PLOD2: variants seen among roughly 807,000 people sequenced by gnomAD.
The protein encoded by PLOD2 is lysine hydroxylase 2.
PLOD2 carries 65 observed loss-of-function variants against 101.0 expected under a neutral mutation model. The ratio of observed to expected loss-of-function variants is 0.64; its 90% confidence interval spans 0.53 to 0.79. The LOEUF (loss-of-function observed/expected upper bound fraction) is 0.79. Among genes scored for constraint, PLOD2 ranks in the 30% least tolerant of loss-of-function variants. PLOD2 has a pLI of 0.00. For synonymous variants in PLOD2, 314 were observed against 302.9 expected, an observed-to-expected ratio of 1.04 and a Z score of -0.38; for missense variants, 909 against 914.6, an observed-to-expected ratio of 0.99 and a Z score of 0.08.
At chr3:146,142,066 A>ATC (rs2031551098) in intron 1 of PLOD2, among the ~76,000 whole-genome samples, 3 of 152,104 alleles carry the variant, frequency 2.0e-5, no homozygotes, top group Admixed American at 6.6e-5. Context: ...CTAACCATAC[A>ATC]TCTACTGTAT....
intron 8 of PLOD2, 183 bp from the exon 9 acceptor site, chr3:146,088,894 A>T: frequency 1.7e-6 from 1 of 574,374 alleles, no homozygotes; most frequent in Non-Finnish European, 3.1e-6. Context: ...TGGCCCCCCC[A>T]ATCAAAGTGA....
chr3:146,121,384 T>C (rs2030143953), intron 2 of PLOD2, 136 bp from the exon 3 acceptor site: 2 of 754,630 alleles, frequency 2.7e-6, no homozygotes, highest in African/African-American at 1.8e-5. Context: ...ATCATGATTC[T>C]AGAAAAAAAA....
intron 7 of PLOD2, 28 bp from the exon 8 acceptor site, chr3:146,091,929 T>C (rs1936985746): frequency 2.6e-6 from 3 of 1,165,580 alleles, no homozygotes; most frequent in East Asian, 4.7e-5. Context: ...AGGTTATTAA[T>C]GAAAGCAGGC....
chr3:146,121,079 T>C (rs375319604), intron 3 of PLOD2, 33 bp downstream of exon 3: 9 of 1,474,996 alleles, frequency 6.1e-6, no homozygotes, highest in Non-Finnish European at 1.9e-6. Context: ...TAATTGAATA[T>C]AGATTTTAAA....
At chr3:146,152,313 A>G (rs1490028026) in intron 1 of PLOD2, among the ~76,000 whole-genome samples, 1 of 152,012 alleles carries the variant, frequency 6.6e-6, no homozygotes, top group Admixed American at 6.6e-5. Context: ...CCAGCTACTC[A>G]GGAGGCTGAG....
At chr3:146,101,900 A>G (rs1161265010) in intron 7 of PLOD2, among the ~76,000 whole-genome samples, 1 of 152,224 alleles carries the variant, frequency 6.6e-6, no homozygotes, top group Non-Finnish European at 1.5e-5. Flanking sequence ...CAAAGGGGAA[A>G]GATTAACTAG....
intron 8 of PLOD2, among the ~76,000 whole-genome samples, chr3:146,090,506 C>T (rs922104612): frequency 2.0e-5 from 3 of 151,552 alleles, no homozygotes; most frequent in Admixed American, 6.6e-5. Context: ...AGTATTAACT[C>T]GCCCTCCAGA....
At chr3:146,135,968 T>A (rs2031205962) in intron 1 of PLOD2, among the ~76,000 whole-genome samples, 1 of 152,168 alleles carries the variant, frequency 6.6e-6, no homozygotes, top group African/African-American at 2.4e-5. Flanking sequence ...TAAGATTGTA[T>A]CTCTACAATA....
At chr3:146,095,950 G>C (rs370720214) in intron 7 of PLOD2, among the ~76,000 whole-genome samples, 1 of 123,394 alleles carries the variant, frequency 8.1e-6, no homozygotes, top group African/African-American at 3.0e-5. Context: ...AAAGCTGGAC[G>C]GTACTGCTGC....
In PLOD2 at chr3:146,104,161, C is replaced by A. The variant is rs566432991; in HGVS notation, c.679+118G>T. The A allele has an allele frequency of 7.2e-5, 53 of 733,826 alleles. No individual in the cohort carries two copies. In the African/African-American group the frequency reaches 8.5e-4, roughly 12 times the overall value. The allele number at this position is 733,826 out of a possible 1,614,324, so 45.5% of individuals were successfully genotyped here. A position where few individuals can be genotyped will look rare whatever the true frequency, so the allele number is the denominator to read the frequency against. On this transcript the variant is annotated intron_variant, in intron 6 of 19. Coordinates refer to ENST00000282903, the MANE Select transcript of PLOD2 (RefSeq NM_182943.3). The stretch of plus-strand genomic sequence containing the variant: ...TATTTTTGTTAAGTTACAATAATTA[C>A]AATATTTACACTGTCGACCTTAGTC...
At chr3:146,117,903 C>A (rs753083477) in intron 3 of PLOD2, among the ~76,000 whole-genome samples, 8 of 151,870 alleles carry the variant, frequency 5.3e-5, no homozygotes, top group Non-Finnish European at 7.4e-5. Context: ...CCTCACTATA[C>A]CAGTTGTCCA....
intron 3 of PLOD2, among the ~76,000 whole-genome samples, chr3:146,116,734 A>T (rs1223784739): frequency 6.6e-6 from 1 of 152,178 alleles, no homozygotes; most frequent in East Asian, 1.9e-4. Flanking sequence ...GATATAAGCC[A>T]TGCACAAAAA....
intron 3 of PLOD2, among the ~76,000 whole-genome samples, chr3:146,118,561 G>A (rs1466807909): frequency 1.3e-5 from 2 of 151,748 alleles, no homozygotes; most frequent in Admixed American, 6.6e-5. Flanking sequence ...TAAGTTAGAG[G>A]GGAAAATTCA....
In PLOD2 at chr3:146,070,156, T is replaced by C. The variant is rs144238612; in HGVS notation, c.*561A>G. ...GCTCCTCGGTTGTGTTTTGTACCATTTTCTTGAGGAAAACGTTGTGTAATT... is the reference window on the plus strand; with the variant it reads ...GCTCCTCGGTTGTGTTTTGTACCATCTTCTTGAGGAAAACGTTGTGTAATT... On this transcript the variant is annotated 3_prime_UTR_variant, in exon 20 of 20. Transcript: ENST00000282903. The C allele has an allele frequency of 3.9e-5, 6 of 152,134 alleles. No individual in the cohort carries two copies. The highest frequency in any genetic ancestry group is 1.2e-4 in the African/African-American group (5 of 41,558). 9.4% of individuals were successfully genotyped at this position (152,134 alleles called of 1,614,324 possible).
chr3:146,117,474 T>C (rs1937964526), intron 3 of PLOD2, among the ~76,000 whole-genome samples: 2 of 152,122 alleles, frequency 1.3e-5, no homozygotes, highest in Non-Finnish European at 2.9e-5. Flanking sequence ...AAAAAGGGTG[T>C]TGTTTTTAAA....
chr3:146,078,905 G>A (rs75657660), intron 13 of PLOD2, among the ~76,000 whole-genome samples: 1 of 151,812 alleles, frequency 6.6e-6, no homozygotes, highest in African/African-American at 2.4e-5. Flanking sequence ...ATTAGCCCGA[G>A]CACAAAAACT....
chr3:146,132,615 T>A (rs1298195877), intron 1 of PLOD2, among the ~76,000 whole-genome samples: 1 of 152,116 alleles, frequency 6.6e-6, no homozygotes, highest in Non-Finnish European at 1.5e-5. Flanking sequence ...TTCCTGATCA[T>A]CCCTTTGGAT....
At chr3:146,093,026 G>A (rs1276433105) in intron 7 of PLOD2, among the ~76,000 whole-genome samples, 1 of 151,970 alleles carries the variant, frequency 6.6e-6, no homozygotes, top group Non-Finnish European at 1.5e-5. Context: ...AAAGAAAAAA[G>A]TCCATGTTAA....
chr3:146,079,907 G>T (rs1040014176), intron 12 of PLOD2, among the ~76,000 whole-genome samples: 2 of 151,652 alleles, frequency 1.3e-5, no homozygotes, highest in Admixed American at 1.3e-4. Flanking sequence ...AGGAAAACAT[G>T]AAGAAATACA....
Sources: allele counts gnomAD v4.1 joint callset (sites outside exome capture counted in the v4.1 genomes callset), GRCh38; gene constraint gnomAD v4.1.1; transcripts MANE v1.5; gene names NCBI Gene and HGNC (gene_info 2026-07-23, HGNC 2026-07-21).